Variants in TANGO2 observed in about 807,000 individuals in gnomAD.
The protein encoded by TANGO2 is transport and golgi organization 2 homolog.
In TANGO2, 26 loss-of-function variants were observed where a neutral mutation model predicts 39.1. The observed-to-expected ratio is 0.67, with a 90% CI of 0.49 to 0.92. The LOEUF is 0.92. Among genes scored for constraint, TANGO2 ranks in the 40% least tolerant of loss-of-function variants. TANGO2 has a pLI of 0.00. For missense variants in TANGO2, 326 were observed against 360.1 expected (o/e 0.91, Z 0.77); for synonymous variants, 131 against 144.5 (o/e 0.91, Z 0.67).
chr22:20,055,989 C>T lies in TANGO2; in HGVS notation c.427C>T (p.Pro143Ser). ...VICYYGNRGE[P>S]DPIVLTPGTY... ...TTGCTACTATGGGAACCGAGGGGAG[C>T]CTGATCCTATCGTTTTGACGCCAGG... Residue 143 changes from proline to serine, a missense_variant, in exon 6 of 9, where the codon CCT becomes TCT. By Grantham distance (74) the Pro-to-Ser change is moderately conservative. Coordinates refer to ENST00000327374, the MANE Select transcript of TANGO2 (RefSeq NM_152906.7). 6.2e-7 allele frequency: 1 copy of T among 1,614,108 alleles called. No individual in the cohort carries two copies.
chr22:20,031,328 G>A (rs2056625688), intron 1 of TANGO2, among the ~76,000 whole-genome samples: 1 of 152,214 alleles, frequency 6.6e-6, no homozygotes, highest in Admixed American at 6.5e-5. Context: ...GACTGCACCT[G>A]GGCGACAGAG....
chr22:20,045,499 C>CTT (rs695487), intron 3 of TANGO2, among the ~76,000 whole-genome samples: 179 of 112,442 alleles, frequency 1.6e-3, no homozygotes, highest in Non-Finnish European at 2.4e-3. Context: ...GCCATCACTT[C>CTT]TTTTTTTTTT....
chr22:20,038,038 G>A (rs934729897), intron 2 of TANGO2, among the ~76,000 whole-genome samples: 21 of 152,142 alleles, frequency 1.4e-4, no homozygotes, highest in African/African-American at 4.3e-4. Context: ...GCAGTGAGCC[G>A]AGATTGCGCC....
At chr22:20,048,775 T>C (rs1350794356) in intron 3 of TANGO2, among the ~76,000 whole-genome samples, 16 of 152,052 alleles carry the variant, frequency 1.1e-4, no homozygotes, top group Admixed American at 1.0e-3. Context: ...GCCTCCTGAG[T>C]AGCTGGGACT....
intron 1 of TANGO2, among the ~76,000 whole-genome samples, chr22:20,035,931 G>A (rs533913909): frequency 6.6e-6 from 1 of 152,240 alleles, no homozygotes; most frequent in African/African-American, 2.4e-5. Context: ...CACCCTGCTT[G>A]GATAGCTGAT....
chr22:20,021,605 T>C (rs1345677893), intron 1 of TANGO2, among the ~76,000 whole-genome samples: 1 of 152,044 alleles, frequency 6.6e-6, no homozygotes, highest in Non-Finnish European at 1.5e-5. Flanking sequence ...CTAATGTGGG[T>C]GTGAGTAGAT....
At chr22:20,046,243 T>A (rs1193197337) in intron 3 of TANGO2, among the ~76,000 whole-genome samples, 1 of 152,086 alleles carries the variant, frequency 6.6e-6, no homozygotes, top group Non-Finnish European at 1.5e-5. Context: ...ACTCCTGGCC[T>A]CAAGTGATCC....
chr22:20,031,603 A>G (rs2041887784), intron 1 of TANGO2, among the ~76,000 whole-genome samples: 1 of 152,204 alleles, frequency 6.6e-6, no homozygotes, highest in Non-Finnish European at 1.5e-5. Flanking sequence ...AGGCCTGGCC[A>G]TGTGCCTGTG....
chr22:20,057,595 G>T lies in TANGO2; in HGVS notation c.451+1582G>T, dbSNP rs942264908. Among the ~76,000 whole-genome samples the T allele has an allele frequency of 6.6e-5, 10 of 152,224 alleles. No homozygotes were observed. The highest frequency in any genetic ancestry group is 2.4e-5 in the African/African-American group (1 of 41,466). On this transcript the variant is annotated intron_variant, in intron 6 of 8. Coordinates refer to ENST00000327374, the MANE Select transcript of TANGO2 (RefSeq NM_152906.7). This position sits in a 1 kb window ranked among gnomAD's most constrained non-coding sequence, Gnocchi z 4.1. ...AGTGGCACAGACACAGAGACTACCA[G>T]CGAGGCAGGGATGTGGCCCCAGAAG...
intron 8 of TANGO2, among the ~76,000 whole-genome samples, chr22:20,064,273 C>A (rs927244086): frequency 6.6e-6 from 1 of 152,178 alleles, no homozygotes; most frequent in African/African-American, 2.4e-5. Context: ...TCATGCTACA[C>A]GGGGAGAGCA....
At chr22:20,043,572 G>A in intron 3 of TANGO2, 129 bp downstream of exon 3, 1 of 663,286 alleles carries the variant, frequency 1.5e-6, no homozygotes. Flanking sequence ...TGGAACTGAT[G>A]GGGCTCGTGG....
chr22:20,035,367 G>A (rs993229160), intron 1 of TANGO2, among the ~76,000 whole-genome samples: 5 of 152,224 alleles, frequency 3.3e-5, no homozygotes, highest in African/African-American at 9.6e-5. Flanking sequence ...GGTCTCTTCA[G>A]TATTTGAACA....
chr22:20,037,064 G>C (rs371082851), intron 2 of TANGO2: 4 of 1,536,464 alleles, frequency 2.6e-6, no homozygotes, highest in East Asian at 4.5e-5. Flanking sequence ...GTACAAAGAC[G>C]TGAAGACTCA....
chr22:20,022,408 T>C (rs2039885600), intron 1 of TANGO2, among the ~76,000 whole-genome samples: 1 of 152,134 alleles, frequency 6.6e-6, no homozygotes, highest in African/African-American at 2.4e-5. Context: ...GCTCTGGTGG[T>C]CCAGGGTAGG....
At chr22:20,060,151 C>T (rs758816419) in intron 6 of TANGO2, among the ~76,000 whole-genome samples, 1 of 151,942 alleles carries the variant, frequency 6.6e-6, no homozygotes, top group African/African-American at 2.4e-5. Context: ...AGATCGAGAC[C>T]ATCCTGGCTA....
At chr22:20,060,186 A>G (rs1205611262) in intron 6 of TANGO2, among the ~76,000 whole-genome samples, 1 of 152,062 alleles carries the variant, frequency 6.6e-6, no homozygotes, top group Non-Finnish European at 1.5e-5. Flanking sequence ...CGTCTCTACT[A>G]AAAATACAAA....
chr22:20,031,070 C>T lies in TANGO2; in HGVS notation c.-39-5690C>T, dbSNP rs140259403. Among the ~76,000 whole-genome samples the T allele has an allele frequency of 1.9e-3, 283 of 152,166 alleles. 1 individual carries two copies. Among genetic ancestry groups the T allele is most frequent in the African/African-American group, 6.4e-3 (266 of 41,534 alleles). On this transcript the variant is annotated intron_variant, in intron 1 of 8. Transcript: ENST00000327374. ...AAAATTAGCTGGGTGTGATGGCACG[C>T]ACCTCTAGTCCCAGCTATTTGAGAG...
At chr22:20,048,638 G>T (rs1314035499) in intron 3 of TANGO2, among the ~76,000 whole-genome samples, 3 of 151,654 alleles carry the variant, frequency 2.0e-5, no homozygotes, top group Admixed American at 2.0e-4. Flanking sequence ...AGCTTATGGT[G>T]AGCAGAATTT....
At chr22:20,061,399 G>A (rs1244282514) in intron 6 of TANGO2, 131 bp from the exon 7 acceptor site, 2 of 1,019,444 alleles carry the variant, frequency 2.0e-6, no homozygotes, top group Non-Finnish European at 2.8e-6. Context: ...GGAGCATGGA[G>A]CGGCTTGGCC....
Sources: allele counts gnomAD v4.1 joint callset (sites outside exome capture counted in the v4.1 genomes callset), GRCh38; gene constraint gnomAD v4.1.1; non-coding constraint Gnocchi (gnomAD v3.1); transcripts MANE v1.5; gene names NCBI Gene and HGNC (gene_info 2026-07-23, HGNC 2026-07-21).